GHITM: variants seen among roughly 807,000 people sequenced by gnomAD.
GHITM encodes growth hormone-inducible transmembrane protein.
Under a neutral mutation model 38.7 loss-of-function variants are expected in GHITM, and 24 were observed. The ratio of observed to expected loss-of-function variants is 0.62; its 90% CI spans 0.45 to 0.87. GHITM has a LOEUF of 0.87. Among genes scored for constraint, GHITM ranks in the 40% least tolerant of loss-of-function variants. The pLI, the probability that GHITM is intolerant of heterozygous loss-of-function variation, is 0.00. For synonymous variants in GHITM, 154 were observed against 147.8 expected (o/e 1.04, Z -0.30); for missense variants, 420 against 429.8 (o/e 0.98, Z 0.20).
intron 5 of GHITM, among the ~76,000 whole-genome samples, chr10:84,145,461 A>T (rs1236137158): frequency 1.3e-5 from 2 of 152,264 alleles, no homozygotes; most frequent in East Asian, 3.8e-4. Flanking sequence ...ATAATACCAG[A>T]GGAGTTAGAA....
At chr10:84,148,443 C>A (rs188759074) in intron 5 of GHITM, among the ~76,000 whole-genome samples, 1 of 152,046 alleles carries the variant, frequency 6.6e-6, no homozygotes, top group Non-Finnish European at 1.5e-5. Flanking sequence ...ACTACAGGCG[C>A]GCACCACTGC....
chr10:84,148,374 C>G (rs1470594776), intron 5 of GHITM, among the ~76,000 whole-genome samples: 2 of 152,254 alleles, frequency 1.3e-5, no homozygotes, highest in African/African-American at 4.8e-5. Context: ...CTCATTGCAA[C>G]CTCCACCTCC....
chr10:84,143,963 T>C, intron 3 of GHITM, 32 bp from the exon 4 acceptor site: 1 of 1,332,538 alleles, frequency 7.5e-7, no homozygotes, highest in Non-Finnish European at 1.1e-6. Flanking sequence ...GATGTGCCAG[T>C]ACTAACCTGC....
intron 5 of GHITM, among the ~76,000 whole-genome samples, chr10:84,147,482 A>AT (rs933850712): frequency 3.3e-5 from 5 of 152,196 alleles, no homozygotes; most frequent in African/African-American, 9.7e-5. Flanking sequence ...GAGGTTGAAT[A>AT]TTTTGATGTT....
At chr10:84,140,064 C>A (rs1440480479) in intron 1 of GHITM, 1 of 145,342 alleles carries the variant, frequency 6.9e-6, no homozygotes, top group Non-Finnish European at 1.5e-5. Flanking sequence ...TTTATAGCAA[C>A]GACATCTGAG....
Position 84,142,692 on chromosome 10 carries a change from G to A in GHITM, c.167G>A (p.Gly56Glu). 1 of 1,612,928 alleles carries A rather than the reference G, an allele frequency of 6.2e-7. No individual in the cohort carries two copies. Among genetic ancestry groups the A allele is most frequent in the Non-Finnish European group, 8.5e-7 (1 of 1,179,264 alleles). The part of the protein sequence containing the change: ...ATKTRIGIRR[G>E]RTGQELKEAA... ...AAAACAAGAATTGGGATCCGGCGTG[G>A]GAGAACTGGCCAAGAACTCAAAGAG... Residue 56 changes from glycine to glutamate, a missense_variant, in exon 3 of 9, where the codon GGG (glycine) becomes GAG (glutamate). Transcript: ENST00000372134.
intron 6 of GHITM, among the ~76,000 whole-genome samples, chr10:84,149,433 A>T (rs1300884395): frequency 6.6e-6 from 1 of 152,234 alleles, no homozygotes; most frequent in East Asian, 1.9e-4. Flanking sequence ...GGTAAACGAC[A>T]TTTAAGAAAA....
chr10:84,144,859 G>A lies in GHITM; in HGVS notation c.342-16G>A. 1 of 1,545,900 alleles carries A rather than the reference G, an allele frequency of 6.5e-7. No homozygotes were observed. The highest frequency in any genetic ancestry group is 8.8e-7 in the Non-Finnish European group (1 of 1,134,602). On this transcript the variant is annotated splice_polypyrimidine_tract_variant and intron_variant, in intron 4 of 8. Coordinates refer to ENST00000372134, the MANE Select transcript of GHITM (RefSeq NM_014394.3). ...ATCTGTAATTTCATAGATTAATCATGTCATGTTTCTTACAGAATTTGGCCT... is the reference window on the plus strand; with the variant it reads ...ATCTGTAATTTCATAGATTAATCATATCATGTTTCTTACAGAATTTGGCCT...
At chr10:84,146,874 TACAA>T (rs2132739574) in intron 5 of GHITM, among the ~76,000 whole-genome samples, 1 of 152,294 alleles carries the variant, frequency 6.6e-6, no homozygotes, top group African/African-American at 2.4e-5. Context: ...GACATATATA[TACAA>T]ACACACACAT....
At position 84,148,856 on chromosome 10, in the gene GHITM, T is replaced by C. The variant is rs1432861792; in HGVS notation, c.592+18T>C. On this transcript the variant is annotated intron_variant, in intron 6 of 8. Coordinates refer to ENST00000372134, the MANE Select transcript of GHITM (RefSeq NM_014394.3). Reference sequence around the variant, plus strand: ...ACATTCTGGTATGTTCTGTTTTAAATTGTTACGAGACAACCTTGACTACCA... The same window carrying C: ...ACATTCTGGTATGTTCTGTTTTAAACTGTTACGAGACAACCTTGACTACCA... 6.8e-7 allele frequency: 1 copy of C among 1,479,850 alleles called. No homozygotes were observed. 91.7% of individuals were successfully genotyped at this position (1,479,850 alleles called of 1,614,324 possible). A position where few individuals can be genotyped will look rare whatever the true frequency, so the allele number is the denominator to read the frequency against.
intron 1 of GHITM, chr10:84,140,151 A>G (rs1841492071): frequency 6.6e-6 from 1 of 152,346 alleles, no homozygotes; most frequent in Non-Finnish European, 1.5e-5. Flanking sequence ...CTGTTACGCC[A>G]CATGGAGGTC....
rs753217809 is a variant in GHITM at position 84,144,081 on chromosome 10, G to A, written c.316G>A (p.Glu106Lys). 1 of 1,611,820 alleles carries A rather than the reference G, an allele frequency of 6.2e-7. No individual in the cohort carries two copies. ...LCYYGLGLSN[E>K]IGAIEKAVIW... is the part of the protein sequence containing the mutation. ...CTACTATGGCTTGGGACTGTCTAATGAGATTGGAGCTATTGAAAAGGCTGT... is the reference window on the plus strand; with the variant it reads ...CTACTATGGCTTGGGACTGTCTAATAAGATTGGAGCTATTGAAAAGGCTGT... Residue 106 changes from glutamate (E) to lysine (K), a missense_variant, in exon 4 of 9, where the codon GAG (glutamate) becomes AAG (lysine). Transcript: ENST00000372134.
intron 5 of GHITM, among the ~76,000 whole-genome samples, chr10:84,146,939 A>G (rs1296058731): frequency 6.6e-6 from 1 of 152,228 alleles, no homozygotes; most frequent in Non-Finnish European, 1.5e-5. Context: ...GAGGAGAGGT[A>G]TCTGATCTTG....
chr10:84,147,947 G>A (rs191226278), intron 5 of GHITM, among the ~76,000 whole-genome samples: 21 of 152,178 alleles, frequency 1.4e-4, no homozygotes, highest in African/African-American at 5.1e-4. Context: ...AGCAAATATG[G>A]AGTTCAAAGT....
chr10:84,146,762 T>C (rs952526699), intron 5 of GHITM, among the ~76,000 whole-genome samples: 1 of 152,194 alleles, frequency 6.6e-6, no homozygotes, highest in Non-Finnish European at 1.5e-5. Flanking sequence ...CTCAGTCCCT[T>C]CTGGGCAAAA....
At chr10:84,143,433 C>T (rs996003194) in intron 3 of GHITM, among the ~76,000 whole-genome samples, 3 of 152,108 alleles carry the variant, frequency 2.0e-5, no homozygotes, top group African/African-American at 7.2e-5. Flanking sequence ...ACGAATTAGA[C>T]TAAAAGAATA....
intron 2 of GHITM, among the ~76,000 whole-genome samples, 184 bp from the exon 3 acceptor site, chr10:84,142,471 A>G (rs1841516704): frequency 6.6e-6 from 1 of 152,228 alleles, no homozygotes; most frequent in South Asian, 2.1e-4. Context: ...GTCTACATTT[A>G]TTTATTTATT....
At chr10:84,149,453 ATTC>A (rs1841589280) in intron 6 of GHITM, among the ~76,000 whole-genome samples, 2 of 152,200 alleles carry the variant, frequency 1.3e-5, no homozygotes, top group South Asian at 2.1e-4. Context: ...AAGGTAACTT[ATTC>A]TTCTTAGCAC....
At chr10:84,145,208 G>A (rs538825989) in intron 5 of GHITM, among the ~76,000 whole-genome samples, 192 bp downstream of exon 5, 1 of 152,296 alleles carries the variant, frequency 6.6e-6, no homozygotes, top group African/African-American at 2.4e-5. Context: ...AACATTTGTA[G>A]TGTCAACATG....
Sources: gnomAD v4.1 joint callset for allele counts (sites outside exome capture counted in the v4.1 genomes callset) on GRCh38, gnomAD v4.1.1 for gene constraint, MANE v1.5 for transcripts, NCBI Gene and HGNC (gene_info 2026-07-23, HGNC 2026-07-21) for gene names.